Variants in PLD5 observed in about 807,000 individuals in gnomAD.
PLD5 encodes the protein phospholipase D family member 5, also known as inactive phospholipase D5.
PLD5 carries 36 observed loss-of-function variants against 61.1 expected under a neutral mutation model. That is an observed-to-expected ratio of 0.59 (90% CI 0.45 to 0.78). The LOEUF is 0.78. PLD5 is among the 30% of genes least tolerant of loss of function. The probability of loss-of-function intolerance (pLI) is 0.00; values close to 1 mark genes in which losing one functional copy is unlikely to be tolerated. For missense variants in PLD5, 515 were observed against 644.4 expected (o/e 0.80, Z 2.17); for synonymous variants, 243 against 242.8 (o/e 1.00, Z -0.01).
At chr1:242,164,403 T>TA (rs34240432) in intron 5 of PLD5, among the ~76,000 whole-genome samples, 29,792 of 149,652 alleles carry the variant, frequency 0.2, 3,528 homozygotes, top group Non-Finnish European at 0.27. Flanking sequence ...TGACAAATAT[T>TA]AAAAAAAAAA....
chr1:242,407,903 G>A (rs935315432), intron 1 of PLD5, among the ~76,000 whole-genome samples: 2 of 146,788 alleles, frequency 1.4e-5, no homozygotes, highest in Non-Finnish European at 3.0e-5. Context: ...AAGACAAAAG[G>A]GAAGCAAAGA....
At chr1:242,303,367 G>A (rs1423506386) in intron 2 of PLD5, among the ~76,000 whole-genome samples, 3 of 152,166 alleles carry the variant, frequency 2.0e-5, no homozygotes, top group Non-Finnish European at 4.4e-5. Context: ...GTTACAACTT[G>A]GAGGCAAACT....
chr1:242,126,368 A>C (rs928271224), intron 5 of PLD5, among the ~76,000 whole-genome samples: 6 of 152,252 alleles, frequency 3.9e-5, no homozygotes, highest in African/African-American at 1.2e-4. Flanking sequence ...GACTAAGCGA[A>C]AAGAACAAAT....
intron 2 of PLD5, among the ~76,000 whole-genome samples, chr1:242,291,132 A>C (rs1308761951): frequency 6.6e-6 from 1 of 152,016 alleles, no homozygotes; most frequent in African/African-American, 2.4e-5. Context: ...TGCATTTCAC[A>C]TGCATTGTCC....
intron 5 of PLD5, among the ~76,000 whole-genome samples, chr1:242,163,439 A>C (rs1036274155): frequency 8.6e-5 from 13 of 151,862 alleles, no homozygotes; most frequent in African/African-American, 1.5e-4. Flanking sequence ...CACTGCACCC[A>C]GCTTCCCTCA....
chr1:242,411,238 TTTG>T, intron 1 of PLD5, among the ~76,000 whole-genome samples: 1 of 151,890 alleles, frequency 6.6e-6, no homozygotes, highest in Admixed American at 6.5e-5. Flanking sequence ...GTTTTTTTGT[TTTG>T]TTTTGTTTTT....
At chr1:242,112,313 G>A (rs1307506789) in intron 7 of PLD5, among the ~76,000 whole-genome samples, 2,182 of 107,894 alleles carry the variant, frequency 0.02, 73 homozygotes, top group African/African-American at 0.096. Context: ...GTGTGTGTGT[G>A]TGTGTGTGTG....
At position 242,086,096 on chromosome 1, in the gene PLD5, T is replaced by A. The variant is rs567661515; in HGVS notation, c.*3758A>T. On this transcript the variant is annotated 3_prime_UTR_variant, in exon 10 of 10. Coordinates refer to ENST00000536534, the MANE Select transcript of PLD5 (RefSeq NM_001372062.1). ...AGGTTCATCGAGGCACTTAAACCAT[T>A]AACTGCATTTCAAAAAAAATCCCCC... The A allele has an allele frequency of 2.0e-5, 3 of 152,148 alleles. No homozygotes were observed. The highest frequency in any genetic ancestry group is 2.9e-5 in the Non-Finnish European group (2 of 68,018). The allele number at this position is 152,148 out of a possible 1,614,324, so 9.4% of individuals were successfully genotyped here.
At chr1:242,096,790 A>T (rs1660273148) in intron 9 of PLD5, among the ~76,000 whole-genome samples, 1 of 151,672 alleles carries the variant, frequency 6.6e-6, no homozygotes, top group African/African-American at 2.4e-5. Flanking sequence ...CATGTGCACA[A>T]CGTGCAGGTT....
At chr1:242,165,581 C>T (rs1666251562) in intron 5 of PLD5, among the ~76,000 whole-genome samples, 1 of 152,090 alleles carries the variant, frequency 6.6e-6, no homozygotes, top group Non-Finnish European at 1.5e-5. Context: ...TCTATTCTGA[C>T]TGATAGGTGT....
chr1:242,207,914 T>A (rs369578358), intron 5 of PLD5, among the ~76,000 whole-genome samples: 3 of 12,840 alleles, frequency 2.3e-4, no homozygotes, highest in African/African-American at 9.1e-4. Context: ...TTATATATAT[T>A]TATATATTTA....
intron 1 of PLD5, among the ~76,000 whole-genome samples, chr1:242,452,870 TC>T (rs1232107708): frequency 6.6e-6 from 1 of 151,484 alleles, no homozygotes; most frequent in East Asian, 1.9e-4. Context: ...ACCCCCTAGG[TC>T]CTATCTTCCC....
At chr1:242,212,107 A>AAAGGAG (rs978546986) in intron 5 of PLD5, among the ~76,000 whole-genome samples, 2 of 152,200 alleles carry the variant, frequency 1.3e-5, no homozygotes, top group African/African-American at 4.8e-5. Flanking sequence ...AAGAGCCTAA[A>AAAGGAG]AAGGAGAAGG....
chr1:242,187,476 A>G (rs1270345899), intron 5 of PLD5, among the ~76,000 whole-genome samples: 1 of 152,222 alleles, frequency 6.6e-6, no homozygotes. Context: ...GCATATTCAT[A>G]ACTGATATAT....
At chr1:242,354,215 C>T (rs1381655878) in intron 1 of PLD5, among the ~76,000 whole-genome samples, 1 of 152,130 alleles carries the variant, frequency 6.6e-6, no homozygotes, top group East Asian at 1.9e-4. Flanking sequence ...ACAGTTTACA[C>T]ATGCCATGAC....
chr1:242,278,134 C>T (rs1345524709), intron 3 of PLD5, among the ~76,000 whole-genome samples: 1 of 151,952 alleles, frequency 6.6e-6, no homozygotes, highest in Non-Finnish European at 1.5e-5. Context: ...CCATAGTTTC[C>T]AAATTTTTGA....
At chr1:242,124,814 A>G in intron 5 of PLD5, 149 bp from the exon 6 acceptor site, 2 of 638,532 alleles carry the variant, frequency 3.1e-6, no homozygotes, top group Non-Finnish European at 5.1e-6. Flanking sequence ...TGGTACATAG[A>G]GGTGATATGT....
At chr1:242,288,214 T>G (rs1675141523) in intron 3 of PLD5, 148 bp downstream of exon 3, 2 of 1,077,662 alleles carry the variant, frequency 1.9e-6, no homozygotes, top group East Asian at 5.6e-5. Context: ...CAACGACACA[T>G]CTACATAAAT....
intron 4 of PLD5, among the ~76,000 whole-genome samples, chr1:242,241,868 ACT>A (rs756558478): frequency 0.39 from 33,393 of 84,768 alleles, 4,915 homozygotes; most frequent in South Asian, 0.5. Flanking sequence ...TGCTTTACTT[ACT>A]ATATATATAT....
Sources: allele counts gnomAD v4.1 joint callset (sites outside exome capture counted in the v4.1 genomes callset), GRCh38; gene constraint gnomAD v4.1.1; transcripts MANE v1.5; gene names NCBI Gene and HGNC (gene_info 2026-07-23, HGNC 2026-07-21).